The following CD34 variants were observed in gnomAD, a reference collection of about 807,000 sequenced individuals.
The protein encoded by CD34 is CD34 molecule.
A neutral mutation model predicts 40.1 loss-of-function variants in CD34; 34 were observed. The ratio of observed to expected loss-of-function variants is 0.85; its 90% CI spans 0.65 to 1.13. The LOEUF (loss-of-function observed/expected upper bound fraction) is 1.13. Among genes scored for constraint, CD34 ranks in the 50% most tolerant of loss-of-function variants. The probability of loss-of-function intolerance (pLI) is 0.00; values close to 1 mark genes in which losing one functional copy is unlikely to be tolerated. For missense variants in CD34, 426 were observed against 466.9 expected (o/e 0.91, Z 0.81); for synonymous variants, 209 against 190.0 (o/e 1.10, Z -0.82).
intron 1 of CD34, 65 bp downstream of exon 1, chr1:207,910,937 T>A: frequency 6.8e-7 from 1 of 1,466,524 alleles, no homozygotes; most frequent in Non-Finnish European, 9.3e-7. Context: ...CTGTTCAGCC[T>A]CCCAGAAAGC....
intron 1 of CD34, among the ~76,000 whole-genome samples, chr1:207,902,461 A>T (rs59315117): frequency 0.1 from 15,928 of 152,240 alleles, 935 homozygotes; most frequent in East Asian, 0.13. Context: ...TCCTGTTTAG[A>T]TGGGACCCTC....
chr1:207,892,598 G>C (rs1662061670), intron 4 of CD34, among the ~76,000 whole-genome samples: 1 of 150,902 alleles, frequency 6.6e-6, no homozygotes, highest in African/African-American at 2.4e-5. Flanking sequence ...AAAAAAAAAA[G>C]TGTCCAATGT....
chr1:207,899,730 G>T, intron 2 of CD34, 91 bp downstream of exon 2: 1 of 1,152,556 alleles, frequency 8.7e-7, no homozygotes, highest in Non-Finnish European at 1.2e-6. Flanking sequence ...AATTTCCTCT[G>T]TGGAGAGGGG....
At chr1:207,893,286 G>A (rs1244015596) in intron 4 of CD34, among the ~76,000 whole-genome samples, 1 of 152,066 alleles carries the variant, frequency 6.6e-6, no homozygotes, top group African/African-American at 2.4e-5. Context: ...GACGGAGATG[G>A]GGGTGAGGGA....
chr1:207,892,721 A>G (rs1188267983), intron 4 of CD34, among the ~76,000 whole-genome samples: 2 of 152,042 alleles, frequency 1.3e-5, no homozygotes, highest in South Asian at 2.1e-4. Context: ...ATCATATTCT[A>G]TGCATTGTTA....
chr1:207,892,556 G>A (rs547745538), intron 4 of CD34, among the ~76,000 whole-genome samples: 7 of 151,620 alleles, frequency 4.6e-5, no homozygotes, highest in Non-Finnish European at 5.9e-5. Flanking sequence ...TCTGCACTCC[G>A]GCCTGGGCAA....
rs1361935194 is a variant in CD34, at chr1:207,899,061, A to T, written c.428T>A (p.Val143Asp). The T allele has an allele frequency of 6.2e-7, 1 of 1,614,206 alleles. No homozygotes were observed. Residue 143 changes from valine to aspartate, a missense_variant, in exon 3 of 8, where the codon GTT becomes GAT. Transcript: ENST00000310833. ...TLKPSLSPGNVSDLSTTSTSL... is the reference protein window; with the variant it reads ...TLKPSLSPGNDSDLSTTSTSL... Reference sequence around the variant, plus strand: ...AGTGCTAGTGGTTGAAAGGTCTGAAACATTTCCAGGTGACAGGCTAGGCTT... The same window carrying T: ...AGTGCTAGTGGTTGAAAGGTCTGAATCATTTCCAGGTGACAGGCTAGGCTT...
chr1:207,889,290 A>G lies in CD34; in HGVS notation c.755-77T>C, dbSNP rs1661978976. On this transcript the variant is annotated intron_variant, in intron 5 of 7. Transcript: ENST00000310833. ...GCTCCACCCTCCCATGCTGTTCTAG[A>G]AGATGCTCTGATGGCCAGGGTGGTC... is the stretch of plus-strand genomic sequence containing the variant. The G allele has an allele frequency of 3.1e-6, 5 of 1,609,906 alleles. No homozygotes were observed. In the South Asian group the frequency reaches 4.4e-5, roughly 14 times the overall value.
At chr1:207,889,786 C>T (rs752026750) in intron 4 of CD34, 165 bp from the exon 5 acceptor site, 10 of 1,577,804 alleles carry the variant, frequency 6.3e-6, no homozygotes, top group African/African-American at 1.4e-5. Flanking sequence ...TGTATATGTG[C>T]AACAACACAA....
chr1:207,890,257 A>G (rs575281895), intron 4 of CD34: 1 of 994,520 alleles, frequency 1.0e-6, no homozygotes, highest in South Asian at 4.6e-5. Context: ...CAGACCCAGG[A>G]ATTTGGACTC....
Position 207,910,982 on chromosome 1 carries a change from G to A in CD34, c.79+20C>T. 1 of 1,563,932 alleles carries A rather than the reference G, an allele frequency of 6.4e-7. No homozygotes were observed. Among genetic ancestry groups the A allele is most frequent in the Non-Finnish European group, 8.6e-7 (1 of 1,157,362 alleles). On this transcript the variant is annotated intron_variant, in intron 1 of 7. Coordinates refer to ENST00000310833, the MANE Select transcript of CD34 (RefSeq NM_001025109.2). ...CCCCGCGGCGAAGCCAAGCGGCCGC[G>A]GCGCGCGGGCGGTACTCACGCAGCA... is the stretch of plus-strand genomic sequence containing the variant.
Position 207,889,472 on chromosome 1 carries a change from G to A in CD34, c.747C>T (p.Asn249=), listed in dbSNP as rs1447793530. The A allele has an allele frequency of 1.2e-6, 2 of 1,611,968 alleles. No individual in the cohort carries two copies. The highest frequency in any genetic ancestry group is 1.7e-6 in the Non-Finnish European group (2 of 1,178,772). Residue 249 remains asparagine, a synonymous_variant, in exon 5 of 8, where the codon AAC becomes AAT. Coordinates refer to ENST00000310833, the MANE Select transcript of CD34 (RefSeq NM_001025109.2). The part of the protein sequence containing the change: ...RPQCLLLVLA[N]RTEISSKLQL... ...GGCAGAGGTGCACCTTACCTGTTCT[G>A]TTGGCCAAGACCAGCAGTAGACACT...
At chr1:207,898,378 C>T (rs1662195734) in intron 3 of CD34, among the ~76,000 whole-genome samples, 1 of 152,132 alleles carries the variant, frequency 6.6e-6, no homozygotes, top group Admixed American at 6.5e-5. Flanking sequence ...CAGAAAGATC[C>T]CTCGGGCATA....
In CD34 at chr1:207,886,814, C is replaced by G. The variant is rs1198940835; in HGVS notation, c.*924G>C. 2 of 152,684 alleles carry G rather than the reference C, an allele frequency of 1.3e-5. No individual in the cohort carries two copies. Among genetic ancestry groups the G allele is most frequent in the African/African-American group, 4.8e-5 (2 of 41,380 alleles). 9.5% of individuals were successfully genotyped at this position (152,684 alleles called of 1,614,324 possible). On this transcript the variant is annotated 3_prime_UTR_variant, in exon 8 of 8. Transcript: ENST00000310833. Reference sequence around the variant, plus strand: ...GGGCTCAGGGTGAGGGAGGCAGAGACAGAAAAGCATCTGTTGGGGGACTGA... The same window carrying G: ...GGGCTCAGGGTGAGGGAGGCAGAGAGAGAAAAGCATCTGTTGGGGGACTGA...
Position 207,888,838 on chromosome 1 carries a change from G to A in CD34, c.816C>T (p.Ile272=), listed in dbSNP as rs1479009591. The part of the protein sequence containing the change: ...KHQSDLKKLG[I]LDFTEQDVAS... ...CAACATCTTGCTCAGTGAAATCTAG[G>A]ATCCCCAGCTTGAAAAGAAGACAAA... Residue 272 remains isoleucine, a synonymous_variant, in exon 7 of 8, where the codon ATC becomes ATT. Transcript: ENST00000310833. 20 of 1,613,852 alleles carry A rather than the reference G, an allele frequency of 1.2e-5. No individual in the cohort carries two copies. The highest frequency in any genetic ancestry group is 2.7e-5 in the African/African-American group (2 of 74,884).
chr1:207,882,134 A>T lies in CD34; in HGVS notation c.*5604T>A, dbSNP rs890321616. ...ACTCTAAAAACCCTGGACATTATATATAAGTCAAACATAGGGAGACTCCGA... is the reference window on the plus strand; with the variant it reads ...ACTCTAAAAACCCTGGACATTATATTTAAGTCAAACATAGGGAGACTCCGA... On this transcript the variant is annotated 3_prime_UTR_variant, in exon 8 of 8. Transcript: ENST00000310833. 1 of 152,254 alleles carries T rather than the reference A, an allele frequency of 6.6e-6. No homozygotes were observed. Among genetic ancestry groups the T allele is most frequent in the African/African-American group, 2.4e-5 (1 of 41,466 alleles). 9.4% of individuals were successfully genotyped at this position (152,254 alleles called of 1,614,324 possible).
intron 6 of CD34, 40 bp from the exon 7 acceptor site, chr1:207,888,886 C>T: frequency 6.2e-7 from 1 of 1,604,484 alleles, no homozygotes; most frequent in Middle Eastern, 1.7e-4. Flanking sequence ...TGTCACTTGC[C>T]AAAAGTGGAG....
Position 207,887,305 on chromosome 1 carries a change from G to C in CD34, c.*433C>G, listed in dbSNP as rs946251612. ...AGGTTACTTTGGTTTCCTCAAAGTA[G>C]AGAAAGAAAATACAGGGAAGAAACG... On this transcript the variant is annotated 3_prime_UTR_variant, in exon 8 of 8. Transcript: ENST00000310833. 1.8e-5 allele frequency: 3 copies of C among 170,360 alleles called. No homozygotes were observed. The highest frequency in any genetic ancestry group is 7.2e-5 in the African/African-American group (3 of 41,882). The allele number at this position is 170,360 out of a possible 1,614,324, so 10.6% of individuals were successfully genotyped here. A position where few individuals can be genotyped will look rare whatever the true frequency, so the allele number is the denominator to read the frequency against.
chr1:207,897,617 C>T (rs1056469979), intron 3 of CD34, 44 bp from the exon 4 acceptor site: 68 of 1,425,724 alleles, frequency 4.8e-5, no homozygotes, highest in Non-Finnish European at 6.2e-5. Context: ...GTAAATAAGC[C>T]AGTATCTTTG....
Sources: allele counts gnomAD v4.1 joint callset (sites outside exome capture counted in the v4.1 genomes callset), GRCh38; gene constraint gnomAD v4.1.1; transcripts MANE v1.5; gene names NCBI Gene and HGNC (gene_info 2026-07-23, HGNC 2026-07-21).